Variants in CLDN10 observed in about 807,000 individuals in gnomAD.
The protein encoded by CLDN10 is claudin-10.
A neutral mutation model predicts 22.9 loss-of-function variants in CLDN10; 15 were observed. The ratio of observed to expected loss-of-function variants is 0.65; its 90% CI spans 0.44 to 1.01. The LOEUF is 1.01. CLDN10 is among the 50% of genes least tolerant of loss of function. The probability of loss-of-function intolerance (pLI) is 0.00; values close to 1 mark genes in which losing one functional copy is unlikely to be tolerated. For synonymous variants in CLDN10, 114 were observed against 111.4 expected, an observed-to-expected ratio of 1.02 and a Z score of -0.15; for missense variants, 247 against 287.8, an observed-to-expected ratio of 0.86 and a Z score of 1.03.
At chr13:95,569,885 C>G (rs2043833172) in intron 3 of CLDN10, among the ~76,000 whole-genome samples, 1 of 152,060 alleles carries the variant, frequency 6.6e-6, no homozygotes, top group Non-Finnish European at 1.5e-5. Context: ...TCTCCTGCCT[C>G]AGTCTCCCAA....
chr13:95,434,637 C>T (rs1295292939), intron 1 of CLDN10, among the ~76,000 whole-genome samples: 2 of 148,216 alleles, frequency 1.3e-5, no homozygotes, highest in Non-Finnish European at 1.5e-5. Flanking sequence ...TTCATGCACA[C>T]ACATATGTAA....
At chr13:95,536,421 C>T (rs1025179423) in intron 1 of CLDN10, among the ~76,000 whole-genome samples, 2 of 152,078 alleles carry the variant, frequency 1.3e-5, no homozygotes, top group African/African-American at 4.8e-5. Flanking sequence ...TGCACTCCAG[C>T]CCAGGCGACA....
At chr13:95,487,724 G>A (rs960236715) in intron 1 of CLDN10, among the ~76,000 whole-genome samples, 2 of 152,196 alleles carry the variant, frequency 1.3e-5, no homozygotes, top group African/African-American at 4.8e-5. Flanking sequence ...GCCCAGGGTG[G>A]AGTGCAGTGG....
At chr13:95,556,027 G>A (rs1566335176) in intron 1 of CLDN10, among the ~76,000 whole-genome samples, 1 of 151,996 alleles carries the variant, frequency 6.6e-6, no homozygotes, top group African/African-American at 2.4e-5. Flanking sequence ...GTCAAACGAC[G>A]AGGTCATTAT....
intron 2 of CLDN10, 23 bp from the exon 3 acceptor site, chr13:95,560,359 G>A (rs376283811): frequency 4.4e-5 from 71 of 1,613,150 alleles, no homozygotes; most frequent in African/African-American, 2.3e-4. Flanking sequence ...TAACCATAGT[G>A]CTTTCCCTCT....
chr13:95,461,478 CT>C (rs1296143747), intron 1 of CLDN10, among the ~76,000 whole-genome samples: 2 of 152,144 alleles, frequency 1.3e-5, no homozygotes, highest in Non-Finnish European at 2.9e-5. Context: ...AGTTATTTGA[CT>C]TTTTTTGTTC....
intron 1 of CLDN10, among the ~76,000 whole-genome samples, chr13:95,499,597 A>G (rs2042963676): frequency 6.6e-6 from 1 of 152,216 alleles, no homozygotes; most frequent in Non-Finnish European, 1.5e-5. Context: ...GCATGCTGAC[A>G]GGCAGATAGA....
chr13:95,502,154 G>T (rs1158858606), intron 1 of CLDN10, among the ~76,000 whole-genome samples: 1 of 149,418 alleles, frequency 6.7e-6, no homozygotes, highest in Admixed American at 6.6e-5. Context: ...AAGCTTGTTA[G>T]ATTTTAAAGG....
chr13:95,535,000 T>C (rs559974977), intron 1 of CLDN10, among the ~76,000 whole-genome samples: 7 of 151,804 alleles, frequency 4.6e-5, no homozygotes, highest in East Asian at 1.9e-4. Context: ...GCCTGGTCTA[T>C]TGGGGGAGGA....
At chr13:95,527,566 CA>C (rs35494686) in intron 1 of CLDN10, among the ~76,000 whole-genome samples, 59,701 of 144,258 alleles carry the variant, frequency 0.41, 12,140 homozygotes, top group African/African-American at 0.5. Flanking sequence ...CTCAAGTCTA[CA>C]AAAAAAAAAA....
chr13:95,481,537 G>A (rs1267127863), intron 1 of CLDN10, among the ~76,000 whole-genome samples: 1 of 152,166 alleles, frequency 6.6e-6, no homozygotes, highest in East Asian at 1.9e-4. Context: ...GTCTCTGAGG[G>A]CCATGTGGTT....
chr13:95,551,206 G>T (rs974910873), upstream of CLDN10, among the ~76,000 whole-genome samples: 20 of 152,206 alleles, frequency 1.3e-4, no homozygotes, highest in African/African-American at 4.6e-4. Flanking sequence ...TCAGAGCACA[G>T]ATTACAACAT....
chr13:95,462,152 T>G (rs1421676573), intron 1 of CLDN10, among the ~76,000 whole-genome samples: 3 of 152,196 alleles, frequency 2.0e-5, no homozygotes, highest in Admixed American at 2.0e-4. Context: ...TGAAGAATTT[T>G]GTTGGGTAAA....
intron 1 of CLDN10, among the ~76,000 whole-genome samples, chr13:95,546,259 G>A (rs1029272841): frequency 2.0e-5 from 3 of 152,052 alleles, no homozygotes; most frequent in African/African-American, 7.2e-5. Flanking sequence ...GTCTTGGTGG[G>A]AAGCAACTTC....
intron 1 of CLDN10, among the ~76,000 whole-genome samples, chr13:95,492,908 A>C (rs532034129): frequency 6.3e-4 from 96 of 152,156 alleles, no homozygotes; most frequent in African/African-American, 2.2e-3. Flanking sequence ...GCTTGAGGTA[A>C]AGTTGGAAAC....
At chr13:95,527,566 C>CAA (rs35494686) in intron 1 of CLDN10, among the ~76,000 whole-genome samples, 16 of 144,410 alleles carry the variant, frequency 1.1e-4, no homozygotes, top group Non-Finnish European at 2.0e-4. Flanking sequence ...CTCAAGTCTA[C>CAA]AAAAAAAAAA....
intron 1 of CLDN10, among the ~76,000 whole-genome samples, chr13:95,522,600 G>A (rs951449250): frequency 2.6e-5 from 4 of 151,922 alleles, no homozygotes; most frequent in Admixed American, 2.0e-4. Context: ...AGAGATTGCT[G>A]GTAGTGTTTC....
chr13:95,477,844 G>A (rs1279510685), intron 1 of CLDN10, among the ~76,000 whole-genome samples: 2 of 152,180 alleles, frequency 1.3e-5, no homozygotes, highest in Admixed American at 6.5e-5. Flanking sequence ...AGACAGGCCC[G>A]TGGACAGATG....
rs563138803 is a variant in CLDN10 at position 95,555,428 on chromosome 13, GT to G, written c.220+2464del. On this transcript the variant is annotated intron_variant, in intron 1 of 4. Transcript: ENST00000299339. ...TAAAAATGGTCAAAACTCACTGACC[GT>G]TTTTTTTTCTCTTTTGTGAATTGGC... Among the ~76,000 whole-genome samples, 46 of 150,888 alleles carry G rather than the reference GT, an allele frequency of 3.0e-4. No individual in the cohort carries two copies. The East Asian group carries it at 7.8e-3, about 26-fold the overall frequency.
Sources: allele counts gnomAD v4.1 joint callset (sites outside exome capture counted in the v4.1 genomes callset), GRCh38; gene constraint gnomAD v4.1.1; transcripts MANE v1.5; gene names NCBI Gene and HGNC (gene_info 2026-07-23, HGNC 2026-07-21).